The following PRTFDC1 variants were observed in gnomAD, a reference collection of about 807,000 sequenced individuals.
The protein encoded by PRTFDC1 is phosphoribosyltransferase domain-containing protein 1.
A neutral mutation model predicts 34.6 loss-of-function variants in PRTFDC1; 38 were observed. The ratio of observed to expected loss-of-function variants is 1.10; its 90% CI spans 0.85 to 1.44. The LOEUF (loss-of-function observed/expected upper bound fraction) is 1.44. Ranked by LOEUF, PRTFDC1 falls within the 40% of genes most tolerant of loss-of-function variation. The pLI is 0.00. For missense variants in PRTFDC1, 270 were observed against 283.0 expected (o/e 0.95, Z 0.33); for synonymous variants, 93 against 98.1 (o/e 0.95, Z 0.31).
At chr10:24,919,220 T>C (rs1303256677) in intron 3 of PRTFDC1, among the ~76,000 whole-genome samples, 2 of 152,142 alleles carry the variant, frequency 1.3e-5, no homozygotes. Context: ...AATAAGTCTT[T>C]CTCTTAAAAA....
chr10:24,947,323 C>A (rs1849265716), intron 1 of PRTFDC1, among the ~76,000 whole-genome samples: 1 of 152,102 alleles, frequency 6.6e-6, no homozygotes, highest in South Asian at 2.1e-4. Context: ...GCATGCAAAT[C>A]GTGTTGTAAA....
intron 6 of PRTFDC1, 45 bp downstream of exon 6, chr10:24,856,868 T>C (rs1205557255): frequency 6.6e-7 from 1 of 1,511,936 alleles, no homozygotes; most frequent in South Asian, 1.1e-5. Context: ...CTTTTGGGCT[T>C]GCTTGGAAAA....
intron 3 of PRTFDC1, among the ~76,000 whole-genome samples, chr10:24,914,331 C>T (rs1286551229): frequency 6.6e-6 from 1 of 152,118 alleles, no homozygotes; most frequent in Non-Finnish European, 1.5e-5. Flanking sequence ...TCATAGTGTA[C>T]TCTCAAAAAA....
chr10:24,951,227 C>G (rs73606600), intron 1 of PRTFDC1, among the ~76,000 whole-genome samples: 23 of 152,178 alleles, frequency 1.5e-4, no homozygotes, highest in African/African-American at 2.6e-4. Context: ...ATCACTCCCC[C>G]CTTCTCCTCC....
chr10:24,927,143 A>G (rs1848889397), intron 3 of PRTFDC1, among the ~76,000 whole-genome samples: 1 of 152,216 alleles, frequency 6.6e-6, no homozygotes. Context: ...GAGCAATGCT[A>G]GATGATCTCT....
At chr10:24,850,643 GA>G (rs1487349616) in intron 8 of PRTFDC1, among the ~76,000 whole-genome samples, 6 of 152,078 alleles carry the variant, frequency 3.9e-5, no homozygotes, top group Admixed American at 6.6e-5. Context: ...TGTCTTTAAA[GA>G]GGGGGGAGGG....
intron 3 of PRTFDC1, among the ~76,000 whole-genome samples, chr10:24,908,138 G>T (rs1015131697): frequency 6.8e-6 from 1 of 147,078 alleles, no homozygotes. Context: ...GTTTCACTGA[G>T]TACTGCGAGA....
At chr10:24,933,134 C>A (rs1234869003) in intron 3 of PRTFDC1, among the ~76,000 whole-genome samples, 1 of 151,400 alleles carries the variant, frequency 6.6e-6, no homozygotes, top group East Asian at 1.9e-4. Flanking sequence ...TCTCACAGAC[C>A]TAAATTTAAA....
At chr10:24,852,855 A>C (rs1212255304) in intron 7 of PRTFDC1, among the ~76,000 whole-genome samples, 1 of 152,208 alleles carries the variant, frequency 6.6e-6, no homozygotes, top group East Asian at 1.9e-4. Context: ...CGATGCTTTC[A>C]CAAGAAGAAA....
intron 3 of PRTFDC1, among the ~76,000 whole-genome samples, chr10:24,873,849 T>G (rs1847918081): frequency 6.6e-6 from 1 of 151,602 alleles, no homozygotes; most frequent in African/African-American, 2.4e-5. Context: ...ATGAAACACC[T>G]TTTGTCTTTT....
chr10:24,897,588 G>A (rs1848388178), intron 3 of PRTFDC1, among the ~76,000 whole-genome samples: 1 of 152,202 alleles, frequency 6.6e-6, no homozygotes, highest in Non-Finnish European at 1.5e-5. Context: ...TCCCCAGCAT[G>A]ACACTCCACA....
chr10:24,876,582 T>C (rs1021393643), intron 3 of PRTFDC1, among the ~76,000 whole-genome samples: 4 of 151,384 alleles, frequency 2.6e-5, no homozygotes, highest in African/African-American at 9.7e-5. Flanking sequence ...TAGTCCCAGC[T>C]ACTCGGGAGG....
chr10:24,930,862 C>T (rs1438485256), intron 3 of PRTFDC1, among the ~76,000 whole-genome samples: 10 of 152,048 alleles, frequency 6.6e-5, no homozygotes, highest in Admixed American at 5.9e-4. Flanking sequence ...AATAACATTC[C>T]TATTTTTTCA....
At chr10:24,899,995 C>A (rs1216084484) in intron 3 of PRTFDC1, among the ~76,000 whole-genome samples, 1 of 152,114 alleles carries the variant, frequency 6.6e-6, no homozygotes, top group Non-Finnish European at 1.5e-5. Context: ...AGAACTCACA[C>A]ATTTTATTTA....
chr10:24,913,078 G>A (rs1014864896), intron 3 of PRTFDC1, among the ~76,000 whole-genome samples: 2 of 152,142 alleles, frequency 1.3e-5, no homozygotes, highest in Non-Finnish European at 2.9e-5. Context: ...AAATACAATG[G>A]ATTTCAAGTA....
intron 3 of PRTFDC1, among the ~76,000 whole-genome samples, 180 bp downstream of exon 3, chr10:24,937,004 C>T (rs1849061715): frequency 6.6e-6 from 1 of 152,134 alleles, no homozygotes; most frequent in South Asian, 2.1e-4. Context: ...CACCCCACGC[C>T]CTAAATAGTA....
At chr10:24,850,411 G>A (rs1847464741) in intron 8 of PRTFDC1, among the ~76,000 whole-genome samples, 1 of 152,070 alleles carries the variant, frequency 6.6e-6, no homozygotes, top group Non-Finnish European at 1.5e-5. Context: ...GTGGGAGCAT[G>A]ATTTGAAGCC....
At chr10:24,900,914 G>A (rs1848439833) in intron 3 of PRTFDC1, among the ~76,000 whole-genome samples, 1 of 152,170 alleles carries the variant, frequency 6.6e-6, no homozygotes, top group Non-Finnish European at 1.5e-5. Flanking sequence ...CCTACGAAAG[G>A]AGACTATTTT....
intron 2 of PRTFDC1, among the ~76,000 whole-genome samples, chr10:24,940,450 T>C (rs780983998): frequency 5.9e-5 from 9 of 152,180 alleles, no homozygotes; most frequent in Non-Finnish European, 1.0e-4. Flanking sequence ...GGCTTATGAA[T>C]AGCTAACAAG....
Sources: gnomAD v4.1 joint callset for allele counts (sites outside exome capture counted in the v4.1 genomes callset) on GRCh38, gnomAD v4.1.1 for gene constraint, MANE v1.5 for transcripts, NCBI Gene and HGNC (gene_info 2026-07-23, HGNC 2026-07-21) for gene names.